MEIS1: variants seen among roughly 807,000 people sequenced by gnomAD.
MEIS1 encodes homeobox protein Meis1.
In MEIS1, 5 loss-of-function variants were observed where a neutral mutation model predicts 50.8. That is an observed-to-expected ratio of 0.10 (90% CI 0.05 to 0.21). The LOEUF (loss-of-function observed/expected upper bound fraction) is 0.21, where lower values mean the gene tolerates loss of function less well. Ranked by LOEUF, MEIS1 falls within the 10% of genes least tolerant of loss-of-function variation. The pLI is 1.00. For synonymous variants in MEIS1, 176 were observed against 179.3 expected (o/e 0.98, Z 0.15); for missense variants, 318 against 517.3 (o/e 0.61, Z 3.74).
chr2:66,496,139 A>G (rs1312035180), intron 7 of MEIS1: 1 of 152,330 alleles, frequency 6.6e-6, no homozygotes, highest in Non-Finnish European at 1.5e-5. Flanking sequence ...GAGGACCAAG[A>G]GCAGAGAAGG....
In MEIS1 at chr2:66,542,501, T is replaced by C. The variant is rs542067396; in HGVS notation, c.889-5442T>C. Among the ~76,000 whole-genome samples, 45 of 152,354 alleles carry C rather than the reference T, an allele frequency of 3.0e-4. 1 individual carries two copies. The South Asian group carries it at 8.9e-3, about 30-fold the overall frequency. ...ATTGGACAGTTGCCATAATTCCTCC[T>C]GTTAGATCAGCTCCTCTGGTACCTA... On this transcript the variant is annotated intron_variant, in intron 8 of 12. Coordinates refer to ENST00000272369, the MANE Select transcript of MEIS1 (RefSeq NM_002398.3).
chr2:66,538,579 A>G (rs1209222943), intron 8 of MEIS1, among the ~76,000 whole-genome samples: 5 of 152,220 alleles, frequency 3.3e-5, no homozygotes, highest in Admixed American at 6.5e-5. Flanking sequence ...GATTTTAGTC[A>G]TCTCTAACTT....
chr2:66,552,316 T>C (rs1674941852), intron 9 of MEIS1, among the ~76,000 whole-genome samples: 1 of 152,222 alleles, frequency 6.6e-6, no homozygotes, highest in Admixed American at 6.5e-5. Context: ...TTACTACTCC[T>C]CATCCAAACA....
chr2:66,519,147 G>A (rs1674048096), intron 8 of MEIS1, among the ~76,000 whole-genome samples: 1 of 152,120 alleles, frequency 6.6e-6, no homozygotes, highest in African/African-American at 2.4e-5. Context: ...TACTGATGTA[G>A]GTCCATGACA....
chr2:66,531,439 C>T (rs1406492844), intron 8 of MEIS1, among the ~76,000 whole-genome samples: 5 of 152,016 alleles, frequency 3.3e-5, no homozygotes, highest in African/African-American at 9.7e-5. Flanking sequence ...AGCTAAGTAG[C>T]GAAATAAATA....
At position 66,442,921 on chromosome 2, in the gene MEIS1, A is replaced by G. The variant is rs1458376080; in HGVS notation, c.503A>G (p.Asn168Ser). 6.3e-7 allele frequency: 1 copy of G among 1,590,206 alleles called. No homozygotes were observed. The highest frequency in any genetic ancestry group is 1.4e-5 in the African/African-American group (1 of 73,312). ...ATGTAGGTACACGAATTATGTGACA[A>G]TTTCTGCCACCGGTATATTAGCTGT... is the stretch of plus-strand genomic sequence containing the variant. ...ELEKVHELCD[N>S]FCHRYISCLK... Residue 168 changes from asparagine to serine, a missense_variant, in exon 6 of 13, where the codon AAT becomes AGT. Asn to Ser is a conservative substitution (Grantham distance 46, BLOSUM62 1). Transcript: ENST00000272369.
chr2:66,443,183 AAATTTTTG>A, intron 6 of MEIS1, 135 bp downstream of exon 6: 1 of 1,061,706 alleles, frequency 9.4e-7, no homozygotes, highest in Non-Finnish European at 1.3e-6. Context: ...ATCGAAATGA[AAATTTTTG>A]AATAATGTGG....
chr2:66,566,834 CA>C (rs1213631860), intron 9 of MEIS1, among the ~76,000 whole-genome samples: 2 of 145,538 alleles, frequency 1.4e-5, no homozygotes, highest in African/African-American at 2.5e-5. Context: ...ACAACAACAA[CA>C]AAAAAAGCCA....
At chr2:66,510,605 G>A (rs1016957671) in intron 7 of MEIS1, among the ~76,000 whole-genome samples, 1 of 151,970 alleles carries the variant, frequency 6.6e-6, no homozygotes, top group Non-Finnish European at 1.5e-5. Flanking sequence ...AGCATATTCT[G>A]TAATAATAGT....
chr2:66,441,101 T>C (rs1671969250), intron 4 of MEIS1: 1 of 387,796 alleles, frequency 2.6e-6, no homozygotes, highest in Non-Finnish European at 4.5e-6. Flanking sequence ...AGGACACATG[T>C]AGTCCAGTGT....
intron 6 of MEIS1, among the ~76,000 whole-genome samples, chr2:66,455,720 G>T (rs1672372155): frequency 6.6e-6 from 1 of 152,158 alleles, no homozygotes; most frequent in Non-Finnish European, 1.5e-5. Flanking sequence ...TGAGTATTGA[G>T]AGGAGAATGA....
chr2:66,440,068 A>AACACACCCAC, intron 3 of MEIS1, 84 bp downstream of exon 3: 2 of 777,642 alleles, frequency 2.6e-6, no homozygotes, highest in Non-Finnish European at 4.0e-6. Context: ...CGCGCGCGCG[A>AACACACCCAC]ACACACACAC....
chr2:66,438,474 A>G (rs1671857808), intron 2 of MEIS1, among the ~76,000 whole-genome samples: 1 of 152,248 alleles, frequency 6.6e-6, no homozygotes, highest in African/African-American at 2.4e-5. Flanking sequence ...GCAAGGGGGA[A>G]CATGTTTTGC....
intron 7 of MEIS1, among the ~76,000 whole-genome samples, chr2:66,471,056 A>G (rs1388201649): frequency 2.6e-5 from 4 of 152,198 alleles, no homozygotes; most frequent in Admixed American, 2.6e-4. Context: ...TTAGCCAAAG[A>G]GCTCCTGTCA....
chr2:66,535,940 CA>C (rs1252270690), intron 8 of MEIS1, among the ~76,000 whole-genome samples: 5 of 152,108 alleles, frequency 3.3e-5, no homozygotes, highest in Non-Finnish European at 7.4e-5. Flanking sequence ...GCTTAGACAA[CA>C]ATGGATAAAG....
At chr2:66,505,884 AATGTATTTCT>A (rs1673674844) in intron 7 of MEIS1, among the ~76,000 whole-genome samples, 1 of 152,218 alleles carries the variant, frequency 6.6e-6, no homozygotes, top group South Asian at 2.1e-4. Context: ...AGCTCTGAGA[AATGTATTTCT>A]TCCATGTTTT....
chr2:66,520,196 C>T (rs972254389), intron 8 of MEIS1, among the ~76,000 whole-genome samples: 1 of 151,870 alleles, frequency 6.6e-6, no homozygotes, highest in South Asian at 2.1e-4. Context: ...GCCAGTTGGC[C>T]GGGCGCGGTG....
At chr2:66,440,304 C>T (rs899332422) in intron 3 of MEIS1, 10 of 590,618 alleles carry the variant, frequency 1.7e-5, no homozygotes, top group East Asian at 2.8e-5. Flanking sequence ...GTGGACTCGG[C>T]GGTCTGAGCA....
chr2:66,507,976 CCTTT>C (rs1171106371), intron 7 of MEIS1, among the ~76,000 whole-genome samples: 1 of 152,214 alleles, frequency 6.6e-6, no homozygotes, highest in African/African-American at 2.4e-5. Flanking sequence ...AGTACAAATT[CCTTT>C]CTTTGTTGGT....
Sources: gnomAD v4.1 joint callset for allele counts (sites outside exome capture counted in the v4.1 genomes callset) on GRCh38, gnomAD v4.1.1 for gene constraint, MANE v1.5 for transcripts, NCBI Gene and HGNC (gene_info 2026-07-23, HGNC 2026-07-21) for gene names.